The following CYP11B2 variants were observed in gnomAD, a reference collection of about 807,000 sequenced individuals.
CYP11B2 encodes cytochrome P450 family 11 subfamily B member 2.
A neutral mutation model predicts 49.3 loss-of-function variants in CYP11B2; 38 were observed. That is an observed-to-expected ratio of 0.77 (90% CI 0.59 to 1.01). The LOEUF (loss-of-function observed/expected upper bound fraction) is 1.01. CYP11B2 is among the 50% of genes least tolerant of loss of function. CYP11B2 has a pLI of 0.00. For missense variants in CYP11B2, 669 were observed against 655.5 expected (o/e 1.02, Z -0.23); for synonymous variants, 290 against 269.3 (o/e 1.08, Z -0.75).
At chr8:142,912,242 T>A in intron 8 of CYP11B2, 149 bp from the exon 9 acceptor site, 1 of 1,421,442 alleles carries the variant, frequency 7.0e-7, no homozygotes, top group South Asian at 1.3e-5. Flanking sequence ...CAGCCCCACC[T>A]TACGGACCAG....
At position 142,910,933 on chromosome 8, in the gene CYP11B2, G is replaced by A. The variant is rs886062739; in HGVS notation, c.*1047C>T. The stretch of plus-strand genomic sequence containing the variant: ...TGTGGCTGGGCACGTTCTCACCCTG[G>A]GGCACTTCCTATCCCTGCACAGGAG... On this transcript the variant is annotated 3_prime_UTR_variant, in exon 9 of 9. Coordinates refer to ENST00000323110, the MANE Select transcript of CYP11B2 (RefSeq NM_000498.3). The surrounding 1 kb of genome is among the most constrained non-coding windows in gnomAD (Gnocchi z 4.6). The A allele has an allele frequency of 2.0e-5, 3 of 152,190 alleles. No individual in the cohort carries two copies. The highest frequency in any genetic ancestry group is 7.2e-5 in the African/African-American group (3 of 41,416). The allele number at this position is 152,190 out of a possible 1,614,324, so 9.4% of individuals were successfully genotyped here.
At chr8:142,914,973 C>T in intron 3 of CYP11B2, 65 bp from the exon 4 acceptor site, 1 of 1,611,058 alleles carries the variant, frequency 6.2e-7, no homozygotes, top group Non-Finnish European at 8.5e-7. Context: ...TCCCCACACT[C>T]CCTTCAGTCC....
At chr8:142,914,451 T>G (rs376229202) in intron 4 of CYP11B2, 33 bp from the exon 5 acceptor site, 42 of 1,592,324 alleles carry the variant, frequency 2.6e-5, no homozygotes, top group Non-Finnish European at 3.4e-5. Flanking sequence ...CCCTCAGATC[T>G]TGGTGCTGGG....
Position 142,914,372 on chromosome 8 carries a change from G to A in CYP11B2, c.846C>T (p.Arg282=). 1 of 1,613,540 alleles carries A rather than the reference G, an allele frequency of 6.2e-7. No individual in the cohort carries two copies. The highest frequency in any genetic ancestry group is 8.5e-7 in the Non-Finnish European group (1 of 1,179,558). The change falls in exon 5 of 9, where the codon CGC becomes CGT. Residue 282 remains arginine (R), a synonymous_variant. Coordinates refer to ENST00000323110, the MANE Select transcript of CYP11B2 (RefSeq NM_000498.3). ...QKIYQELAFN[R]PQHYTGIVAE... ...CCACGATGCCTGTGTAGTGTTGAGG[G>A]CGGTTGAAGGCCAGTTCCTGGTAGA... is the stretch of plus-strand genomic sequence containing the variant.
At position 142,913,567 on chromosome 8, in the gene CYP11B2, A is replaced by G. The variant is rs1158435330; in HGVS notation, c.955-116T>C. 6 of 366,740 alleles carry G rather than the reference A, an allele frequency of 1.6e-5. No homozygotes were observed. The East Asian group carries it at 1.7e-4, about 10-fold the overall frequency. The allele number at this position is 366,740 out of a possible 1,614,324, so 22.7% of individuals were successfully genotyped here. On this transcript the variant is annotated intron_variant, in intron 5 of 8. Transcript: ENST00000323110. ...GGAGACATCCATGCCCTGAGCAAAA[A>G]CAGAGCCCTGGGACCCCGGATCTGA...
intron 2 of CYP11B2, 121 bp from the exon 3 acceptor site, chr8:142,915,366 T>G (rs1817626746): frequency 1.1e-6 from 1 of 931,548 alleles, no homozygotes; most frequent in African/African-American, 1.6e-5. Context: ...GGGGCCCTGG[T>G]AGAAGCTGCC....
intron 8 of CYP11B2, 112 bp downstream of exon 8, chr8:142,912,418 A>G (rs1817551592): frequency 1.6e-6 from 2 of 1,230,778 alleles, no homozygotes; most frequent in African/African-American, 3.0e-5. Flanking sequence ...TCAACCAACC[A>G]AGGCCCCATC....
At chr8:142,917,532 GCCTGGCAGGGT>G in intron 1 of CYP11B2, 59 bp downstream of exon 1, 1 of 1,613,550 alleles carries the variant, frequency 6.2e-7, no homozygotes, top group South Asian at 1.1e-5. Flanking sequence ...AGTGCTGAGT[GCCTGGCAGGGT>G]CCTGGGCAGC....
Position 142,917,103 on chromosome 8 carries a change from C to T in CYP11B2, c.351G>A (p.Val117=), listed in dbSNP as rs1817660809. The change falls in exon 2 of 9, where the codon GTG becomes GTA. Residue 117 remains valine (V), a synonymous_variant. Transcript: ENST00000323110. The stretch of plus-strand genomic sequence containing the variant: ...TGTGCCCACGATGTTGTCTGTAGGC[C>T]ACCCAGGGCTCCAGGATCATCCTGC... ...HPCRMILEPW[V]AYRQHRGHKC... is the part of the protein sequence containing the mutation. The T allele has an allele frequency of 6.2e-7, 1 of 1,614,218 alleles. No homozygotes were observed. The highest frequency in any genetic ancestry group is 8.5e-7 in the Non-Finnish European group (1 of 1,180,036).
intron 8 of CYP11B2, 22 bp from the exon 9 acceptor site, chr8:142,912,115 C>T (rs766639836): frequency 6.2e-7 from 1 of 1,613,898 alleles, no homozygotes; most frequent in South Asian, 1.1e-5. Context: ...GCTGGGTTTC[C>T]ATCTGGCCTG....
chr8:142,917,679 C>G lies in CYP11B2; in HGVS notation c.162G>C (p.Gln54His), dbSNP rs1817672269. 1.2e-6 allele frequency: 2 copies of G among 1,614,144 alleles called. No homozygotes were observed. Among genetic ancestry groups the G allele is most frequent in the Non-Finnish European group, 1.7e-6 (2 of 1,180,052 alleles). The change falls in exon 1 of 9, where the codon CAG becomes CAC. Residue 54 changes from glutamine to histidine, a missense_variant. Coordinates refer to ENST00000323110, the MANE Select transcript of CYP11B2 (RefSeq NM_000498.3). ...GCTCATAACCCTGCTCCCTCCAGAT[C>G]TGCAGCAGCCTCAGCCACCTGTTGC... ...HPGNRWLRLL[Q>H]IWREQGYEHL...
In CYP11B2 at chr8:142,911,245, C is replaced by T. The variant is rs28491316; in HGVS notation, c.*735G>A. 53,657 of 152,058 alleles carry T rather than the reference C, an allele frequency of 0.35. 11,378 individuals carry two copies. The highest frequency in any genetic ancestry group is 0.45 in the Non-Finnish European group (30,693 of 68,010). The allele number at this position is 152,058 out of a possible 1,614,324, so 9.4% of individuals were successfully genotyped here. ...CTCCTGACAGCATCCTCGGGACCTT[C>T]TCCAGGGGACAGCTCAGGAAGCAGA... On this transcript the variant is annotated 3_prime_UTR_variant, in exon 9 of 9. Coordinates refer to ENST00000323110, the MANE Select transcript of CYP11B2 (RefSeq NM_000498.3).
Position 142,913,426 on chromosome 8 carries a change from A to T in CYP11B2, c.980T>A (p.Leu327His). The change falls in exon 6 of 9, where the codon CTC (leucine) becomes CAC (histidine). Residue 327 changes from leucine to histidine, a missense_variant. Leu to His is a moderately conservative substitution (Grantham distance 99). Transcript: ENST00000323110. The stretch of plus-strand genomic sequence containing the variant: ...GTCGGGGTTCCGAGCCAGCTCAAAG[A>T]GCGTCATCAGCAAGGGAAACGCTGT... ...DTTAFPLLMTLFELARNPDVQ... is the reference protein window; with the variant it reads ...DTTAFPLLMTHFELARNPDVQ... 6.2e-7 allele frequency: 1 copy of T among 1,613,984 alleles called. No individual in the cohort carries two copies. The highest frequency in any genetic ancestry group is 8.5e-7 in the Non-Finnish European group (1 of 1,179,990).
chr8:142,913,962 G>C, intron 5 of CYP11B2: 1 of 549,168 alleles, frequency 1.8e-6, no homozygotes. Context: ...TGTACACCCA[G>C]AGCTTTCCAG....
In CYP11B2 at chr8:142,914,784, C is replaced by A. The variant is rs2130329908; in HGVS notation, c.720G>T (p.Met240Ile). 1 of 1,613,616 alleles carries A rather than the reference C, an allele frequency of 6.2e-7. No individual in the cohort carries two copies. The highest frequency in any genetic ancestry group is 8.5e-7 in the Non-Finnish European group (1 of 1,179,976). ...TGATCCAGCGAGACAGGCTCCTGGG[C>A]ATGAACATGAGCTGGACGGTGGATT... Reference protein sequence around the residue: ...MFKSTVQLMFMPRSLSRWISP... With the variant: ...MFKSTVQLMFIPRSLSRWISP... The change falls in exon 4 of 9, where the codon ATG (methionine) becomes ATT (isoleucine). Residue 240 changes from methionine to isoleucine, a missense_variant. Met to Ile is a conservative substitution (Grantham distance 10). Transcript: ENST00000323110.
chr8:142,913,223 C>G, intron 6 of CYP11B2, 62 bp downstream of exon 6: 1 of 1,562,672 alleles, frequency 6.4e-7, no homozygotes, highest in Non-Finnish European at 8.8e-7. Context: ...CTGCCACCAC[C>G]CAGTGGGGGC....
intron 2 of CYP11B2, among the ~76,000 whole-genome samples, chr8:142,915,639 C>A (rs1817631491): frequency 7.6e-6 from 1 of 130,830 alleles, no homozygotes; most frequent in African/African-American, 2.5e-5. Context: ...CACACAGTGT[C>A]CTGAGGGGAG....
rs913025550 is a variant in CYP11B2, at chr8:142,912,383, C to A, written c.1398+147G>T. Reference sequence around the variant, plus strand: ...AGATCCTACCCTGTCTTGCTCAGCACAGATCCTCCCTGGTCACGCCGACCT... The same window carrying A: ...AGATCCTACCCTGTCTTGCTCAGCAAAGATCCTCCCTGGTCACGCCGACCT... On this transcript the variant is annotated intron_variant, in intron 8 of 8. Transcript: ENST00000323110. 2.3e-5 allele frequency: 22 copies of A among 977,244 alleles called. No individual in the cohort carries two copies. In the African/African-American group the frequency reaches 3.0e-4, roughly 14 times the overall value. The allele number at this position is 977,244 out of a possible 1,614,324, so 60.5% of individuals were successfully genotyped here.
chr8:142,912,809 C>T lies in CYP11B2; in HGVS notation c.1198G>A (p.Gly400Arg). 1 of 1,613,910 alleles carries T rather than the reference C, an allele frequency of 6.2e-7. No homozygotes were observed. The highest frequency in any genetic ancestry group is 8.5e-7 in the Non-Finnish European group (1 of 1,179,888). The change falls in exon 7 of 9, where the codon GGG becomes AGG. Residue 400 changes from glycine (G) to arginine (R), a missense_variant and splice_region_variant. Transcript: ENST00000323110. ...CGAGGGGTGTGGGGCTCACTCACCC[C>T]AGCTGGGATGTGGTAGTTCTGAAGC... ...LVLQNYHIPA[G>R]TLVQVFLYSL...
Sources: allele counts gnomAD v4.1 joint callset (sites outside exome capture counted in the v4.1 genomes callset), GRCh38; gene constraint gnomAD v4.1.1; non-coding constraint Gnocchi (gnomAD v3.1); transcripts MANE v1.5; gene names NCBI Gene and HGNC (gene_info 2026-07-23, HGNC 2026-07-21).